DNAJA4: variants seen among roughly 807,000 people sequenced by gnomAD.
DNAJA4 encodes the protein DnaJ heat shock protein family (Hsp40) member A4, also known as dnaJ homolog subfamily A member 4.
A neutral mutation model predicts 39.7 loss-of-function variants in DNAJA4; 32 were observed. The ratio of observed to expected loss-of-function variants is 0.81; its 90% CI spans 0.61 to 1.08. The LOEUF (loss-of-function observed/expected upper bound fraction) is 1.08, where lower values mean the gene tolerates loss of function less well. Ranked by LOEUF, DNAJA4 falls within the 50% of genes least tolerant of loss-of-function variation. DNAJA4 has a pLI of 0.00. For synonymous variants in DNAJA4, 184 were observed against 182.4 expected (o/e 1.01, Z -0.07); for missense variants, 439 against 505.1 (o/e 0.87, Z 1.25).
At chr15:78,267,708 A>G (rs1047106892) in intron 1 of DNAJA4, among the ~76,000 whole-genome samples, 11 of 152,226 alleles carry the variant, frequency 7.2e-5, no homozygotes, top group Non-Finnish European at 1.5e-4. Flanking sequence ...AAACCTACCA[A>G]GTACACATTA....
At chr15:78,272,181 C>A (rs1363949832) in intron 2 of DNAJA4, among the ~76,000 whole-genome samples, 2 of 152,036 alleles carry the variant, frequency 1.3e-5, no homozygotes, top group African/African-American at 2.4e-5. Flanking sequence ...CTAAAAAATA[C>A]AAAAACTTAG....
intron 1 of DNAJA4, chr15:78,266,231 C>G: frequency 1.2e-6 from 2 of 1,613,716 alleles, no homozygotes; most frequent in Non-Finnish European, 1.7e-6. Flanking sequence ...TTTCAGCAAG[C>G]TGGCTAAAGA....
intron 3 of DNAJA4, among the ~76,000 whole-genome samples, 179 bp from the exon 4 acceptor site, chr15:78,274,018 G>A (rs1412340929): frequency 3.3e-5 from 5 of 152,192 alleles, no homozygotes; most frequent in African/African-American, 1.2e-4. Context: ...TTAACATCTG[G>A]ATGTTGTCTG....
At chr15:78,269,641 A>G (rs2049239663) in intron 1 of DNAJA4, among the ~76,000 whole-genome samples, 1 of 152,116 alleles carries the variant, frequency 6.6e-6, no homozygotes, top group Admixed American at 6.5e-5. Flanking sequence ...CAAATTCAAG[A>G]AGTTTAACAT....
rs758221185 is a variant in DNAJA4, at chr15:78,272,196, G to A, written c.314-899G>A. Among the ~76,000 whole-genome samples the A allele has an allele frequency of 6.0e-4, 91 of 152,224 alleles. 1 individual carries two copies. The highest frequency in any genetic ancestry group is 7.2e-4 in the Admixed American group (11 of 15,298). Reference sequence around the variant, plus strand: ...CTAAAAAATACAAAAACTTAGGTGGGCGCGGTGGCAGGCGCCTGTAGTCCC... The same window carrying A: ...CTAAAAAATACAAAAACTTAGGTGGACGCGGTGGCAGGCGCCTGTAGTCCC... On this transcript the variant is annotated intron_variant, in intron 2 of 6. Coordinates refer to ENST00000394852, the MANE Select transcript of DNAJA4 (RefSeq NM_001130182.2).
rs146036721 is a variant in DNAJA4 at position 78,268,866 on chromosome 15, G to A, written c.133-1631G>A. On this transcript the variant is annotated intron_variant, in intron 1 of 6. Coordinates refer to ENST00000394852, the MANE Select transcript of DNAJA4 (RefSeq NM_001130182.2). ...CAGTAGATGATGCAGCTTGTTAGAA[G>A]GTGGTTCATGATATGGAGAAATATG... Among the ~76,000 whole-genome samples, 85 of 152,338 alleles carry A rather than the reference G, an allele frequency of 5.6e-4. No individual in the cohort carries two copies. The East Asian group carries it at 0.015, about 27-fold the overall frequency.
At chr15:78,267,670 C>T (rs1475302163) in intron 1 of DNAJA4, among the ~76,000 whole-genome samples, 2 of 152,048 alleles carry the variant, frequency 1.3e-5, no homozygotes, top group Admixed American at 6.5e-5. Flanking sequence ...CATAGCAAAC[C>T]ATGCAGAAAA....
Position 78,264,677 on chromosome 15 carries a change from G to T in DNAJA4, c.-87G>T. On this transcript the variant is annotated 5_prime_UTR_variant, in exon 1 of 7. Transcript: ENST00000394852. Reference sequence around the variant, plus strand: ...CGTGACGCGCGAGCGGGCGGCGGGGGCGCGGGCCAGGGGCGCGGGCCAGGG... The same window carrying T: ...CGTGACGCGCGAGCGGGCGGCGGGGTCGCGGGCCAGGGGCGCGGGCCAGGG... 9.7e-7 allele frequency: 1 copy of T among 1,028,040 alleles called. No homozygotes were observed. Among genetic ancestry groups the T allele is most frequent in the Non-Finnish European group, 1.2e-6 (1 of 855,688 alleles). The allele number at this position is 1,028,040 out of a possible 1,614,324, so 63.7% of individuals were successfully genotyped here.
chr15:78,275,367 T>G (rs2049423721), intron 4 of DNAJA4, 131 bp from the exon 5 acceptor site: 1 of 719,464 alleles, frequency 1.4e-6, no homozygotes, highest in Admixed American at 2.8e-5. Flanking sequence ...CCTCCCTGCC[T>G]TGTGCCTGCA....
At chr15:78,275,333 C>T (rs967820) in intron 4 of DNAJA4, 165 bp from the exon 5 acceptor site, 595,424 of 602,222 alleles carry the variant, frequency 0.99, 294,629 homozygotes, top group East Asian at 1. Flanking sequence ...GGGACCTCTT[C>T]TGTCATTGGC....
chr15:78,267,173 AGT>A (rs1198780239), intron 1 of DNAJA4, among the ~76,000 whole-genome samples: 2 of 92,332 alleles, frequency 2.2e-5, no homozygotes, highest in African/African-American at 4.2e-5. Flanking sequence ...TGAGTGTGTG[AGT>A]GTGTGAGTGT....
intron 1 of DNAJA4, among the ~76,000 whole-genome samples, chr15:78,267,300 T>A (rs947149570): frequency 3.3e-5 from 5 of 152,110 alleles, no homozygotes; most frequent in African/African-American, 1.2e-4. Flanking sequence ...TATTAACGTC[T>A]CTTCAAAAAT....
intron 2 of DNAJA4, among the ~76,000 whole-genome samples, chr15:78,271,968 A>C (rs2141443856): frequency 6.6e-6 from 1 of 152,226 alleles, no homozygotes; most frequent in East Asian, 1.9e-4. Context: ...TTGGGTGTCA[A>C]TTCTGTGAAC....
rs149346134 is a variant in DNAJA4, at chr15:78,264,793, C to T, written c.30C>T (p.Ile10=). 458 of 1,609,314 alleles carry T rather than the reference C, an allele frequency of 2.8e-4. 1 individual carries two copies. The highest frequency in any genetic ancestry group is 1.4e-4 in the Non-Finnish European group (163 of 1,177,704). The change falls in exon 1 of 7, where the codon ATC becomes ATT. Residue 10 remains isoleucine, a synonymous_variant. Coordinates refer to ENST00000394852, the MANE Select transcript of DNAJA4 (RefSeq NM_001130182.2). ...TGAAGGAGACCCAGTACTATGACAT[C>T]CTGGGCGTGAAGCCCAGCGCGTCCC... The part of the protein sequence containing the change: MVKETQYYD[I]LGVKPSASPE...
At position 78,275,650 on chromosome 15, in the gene DNAJA4, C is replaced by G. The variant is rs368143683; in HGVS notation, c.799C>G (p.Leu267Val). 6.2e-7 allele frequency: 1 copy of G among 1,614,146 alleles called. No individual in the cohort carries two copies. Among genetic ancestry groups the G allele is most frequent in the Non-Finnish European group, 8.5e-7 (1 of 1,180,018 alleles). Residue 267 changes from leucine (L) to valine (V), a missense_variant, in exon 5 of 7, where the codon CTT (leucine) becomes GTT (valine). By Grantham distance (32) the Leu-to-Val change is conservative. Coordinates refer to ENST00000394852, the MANE Select transcript of DNAJA4 (RefSeq NM_001130182.2). Reference sequence around the variant, plus strand: ...CTTGATCATGAAAATGAAAATTCAGCTTTCTGAAGCTCTTTGTGGCTTCAA... The same window carrying G: ...CTTGATCATGAAAATGAAAATTCAGGTTTCTGAAGCTCTTTGTGGCTTCAA... ...HDLIMKMKIQ[L>V]SEALCGFKKT... is the part of the protein sequence containing the mutation.
Position 78,265,949 on chromosome 15 carries a change from C to T in DNAJA4, c.132+1054C>T, listed in dbSNP as rs2049110186. ...CAAGCTGGAGAAAGCTACTTCAGGA[C>T]GGTTGGCTGAATGGCAACAGTGATG... On this transcript the variant is annotated intron_variant, in intron 1 of 6. Coordinates refer to ENST00000394852, the MANE Select transcript of DNAJA4 (RefSeq NM_001130182.2). The T allele has an allele frequency of 8.5e-6, 5 of 586,732 alleles. No individual in the cohort carries two copies. In the South Asian group the frequency reaches 1.1e-4, roughly 12 times the overall value. The allele number at this position is 586,732 out of a possible 1,614,324, so 36.3% of individuals were successfully genotyped here. A position where few individuals can be genotyped will look rare whatever the true frequency, so the allele number is the denominator to read the frequency against.
intron 3 of DNAJA4, among the ~76,000 whole-genome samples, chr15:78,273,629 G>A (rs916803167): frequency 2.6e-5 from 4 of 152,244 alleles, no homozygotes; most frequent in South Asian, 2.1e-4. Flanking sequence ...TCACTCTGCC[G>A]TCATAGTACA....
chr15:78,268,214 C>G (rs2049196232), intron 1 of DNAJA4, among the ~76,000 whole-genome samples: 1 of 152,190 alleles, frequency 6.6e-6, no homozygotes, highest in Admixed American at 6.5e-5. Flanking sequence ...TCCTGACCTG[C>G]AGATAGACGC....
intron 1 of DNAJA4, chr15:78,265,538 A>T (rs1472453430): frequency 1.4e-6 from 1 of 702,386 alleles, no homozygotes; most frequent in Admixed American, 2.0e-5. Context: ...GTTTTCGGTG[A>T]CAAGTGACAC....
Sources: gnomAD v4.1 joint callset for allele counts (sites outside exome capture counted in the v4.1 genomes callset) on GRCh38, gnomAD v4.1.1 for gene constraint, MANE v1.5 for transcripts, NCBI Gene and HGNC (gene_info 2026-07-23, HGNC 2026-07-21) for gene names.